TIAM2: variants seen among roughly 807,000 people sequenced by gnomAD.
TIAM2 encodes the protein rho guanine nucleotide exchange factor TIAM2.
Under a neutral mutation model 152.9 loss-of-function variants are expected in TIAM2, and 80 were observed. That is an observed-to-expected ratio of 0.52 (90% CI 0.44 to 0.63). The LOEUF (loss-of-function observed/expected upper bound fraction) is 0.63, where lower values mean the gene tolerates loss of function less well. TIAM2 is among the 30% of genes least tolerant of loss of function. The pLI is 0.00. For missense variants in TIAM2, 1,965 were observed against 2,120.1 expected, an observed-to-expected ratio of 0.93 and a Z score of 1.44; for synonymous variants, 804 against 838.0, an observed-to-expected ratio of 0.96 and a Z score of 0.70.
chr6:155,122,891 G>GT (rs1387529429), intron 2 of TIAM2, among the ~76,000 whole-genome samples: 3 of 148,654 alleles, frequency 2.0e-5, no homozygotes, highest in African/African-American at 7.4e-5. Flanking sequence ...GAAATCTGTT[G>GT]TTTTTTAAAT....
At chr6:155,098,574 G>A (rs1778471725) in intron 2 of TIAM2, among the ~76,000 whole-genome samples, 1 of 152,078 alleles carries the variant, frequency 6.6e-6, no homozygotes, top group African/African-American at 2.4e-5. Context: ...AACAGTTTTT[G>A]GTGGAGTCTA....
rs550174911 is a variant in TIAM2, at chr6:155,157,475, AT to A, written c.2029-6933del. On this transcript the variant is annotated intron_variant, in intron 7 of 26. Transcript: ENST00000682666. ...TTCTTTTTTTTTTTTAGAATTAAAA[AT>A]TTTTTTAAAAAATAGAGACGAGGTC... Among the ~76,000 whole-genome samples, 674 of 151,586 alleles carry A rather than the reference AT, an allele frequency of 4.4e-3. 2 individuals carry two copies. Among genetic ancestry groups the A allele is most frequent in the African/African-American group, 0.016 (651 of 41,334 alleles).
intron 1 of TIAM2, among the ~76,000 whole-genome samples, chr6:155,057,281 T>G (rs1015597271): frequency 6.6e-6 from 1 of 151,542 alleles, no homozygotes; most frequent in African/African-American, 2.4e-5. Flanking sequence ...TTAAGCGATT[T>G]GCCCGCCTCA....
intron 14 of TIAM2, among the ~76,000 whole-genome samples, chr6:155,202,619 T>G (rs1781500191): frequency 1.4e-5 from 2 of 145,278 alleles, no homozygotes; most frequent in South Asian, 2.2e-4. Context: ...AGAGATGGAG[T>G]CTTTCCATGT....
intron 1 of TIAM2, among the ~76,000 whole-genome samples, chr6:155,075,762 A>G (rs942482156): frequency 6.6e-6 from 1 of 152,214 alleles, no homozygotes; most frequent in African/African-American, 2.4e-5. Context: ...TGTGCATGAA[A>G]CAAAGTTAAG....
At chr6:155,217,224 A>G in intron 15 of TIAM2, 1 of 957,180 alleles carries the variant, frequency 1.0e-6, no homozygotes, top group Non-Finnish European at 1.4e-6. Flanking sequence ...TGCAGATGAG[A>G]AGAGATGCCT....
At chr6:155,065,144 G>A (rs1333452696) in intron 1 of TIAM2, among the ~76,000 whole-genome samples, 1 of 151,992 alleles carries the variant, frequency 6.6e-6, no homozygotes, top group Non-Finnish European at 1.5e-5. Flanking sequence ...AGTAGAGATG[G>A]GGTTTCACCG....
At chr6:155,130,693 A>G (rs1162765408) in intron 4 of TIAM2, among the ~76,000 whole-genome samples, 1 of 152,148 alleles carries the variant, frequency 6.6e-6, no homozygotes, top group African/African-American at 2.4e-5. Context: ...GGTTTAATCA[A>G]CAGACATCTA....
chr6:155,088,868 C>T (rs1224262571), intron 1 of TIAM2, among the ~76,000 whole-genome samples: 1 of 152,148 alleles, frequency 6.6e-6, no homozygotes, highest in Non-Finnish European at 1.5e-5. Context: ...GCACCCAGGA[C>T]AGTTTCTCTT....
In TIAM2 at chr6:155,251,834, T is replaced by C; in HGVS notation, c.4061-111T>C. ...CACTCATGTTGGCAGAGTGAGGTCT[T>C]AGAGACTCATACGTTTGGAGAGTGT... On this transcript the variant is annotated intron_variant, in intron 22 of 26. Coordinates refer to ENST00000682666, the MANE Select transcript of TIAM2 (RefSeq NM_012454.4). 6 of 820,318 alleles carry C rather than the reference T, an allele frequency of 7.3e-6. No homozygotes were observed. In the South Asian group the frequency reaches 9.6e-5, roughly 13 times the overall value. The allele number at this position is 820,318 out of a possible 1,614,324, so 50.8% of individuals were successfully genotyped here.
At chr6:155,198,150 G>T (rs1292046103) in intron 14 of TIAM2, among the ~76,000 whole-genome samples, 1 of 152,134 alleles carries the variant, frequency 6.6e-6, no homozygotes, top group Admixed American at 6.5e-5. Context: ...TTCCTCTTTT[G>T]AACTCTGAAG....
chr6:155,073,780 C>T (rs555391563), intron 1 of TIAM2, among the ~76,000 whole-genome samples: 120 of 152,328 alleles, frequency 7.9e-4, no homozygotes, highest in African/African-American at 2.7e-3. Flanking sequence ...CATTTTCCTA[C>T]CTGCAGTAGA....
At chr6:155,226,246 G>A (rs1286114573) in intron 15 of TIAM2, among the ~76,000 whole-genome samples, 1 of 152,234 alleles carries the variant, frequency 6.6e-6, no homozygotes, top group African/African-American at 2.4e-5. Flanking sequence ...AGAAGTAAGT[G>A]TGACGGCTGA....
chr6:155,101,090 G>A (rs548661878), intron 2 of TIAM2, among the ~76,000 whole-genome samples: 19 of 152,232 alleles, frequency 1.2e-4, no homozygotes, highest in Non-Finnish European at 2.5e-4. Context: ...AGTCCTACCC[G>A]CCCTCACTGT....
At chr6:154,999,549 A>G (rs909108638) in intron 1 of TIAM2, among the ~76,000 whole-genome samples, 1 of 152,168 alleles carries the variant, frequency 6.6e-6, no homozygotes, top group African/African-American at 2.4e-5. Flanking sequence ...CTATAGGAGA[A>G]GTTAGAACTC....
intron 7 of TIAM2, among the ~76,000 whole-genome samples, chr6:155,155,408 C>T (rs893704190): frequency 1.3e-5 from 2 of 152,102 alleles, no homozygotes; most frequent in South Asian, 2.1e-4. Context: ...TCAACTGATC[C>T]GCCTGCCTCA....
intron 9 of TIAM2, among the ~76,000 whole-genome samples, chr6:155,173,760 G>A (rs1453907002): frequency 6.6e-6 from 1 of 152,230 alleles, no homozygotes; most frequent in African/African-American, 2.4e-5. Flanking sequence ...ACTTAGAAGT[G>A]ACTCTCCTGT....
chr6:155,051,920 G>A (rs944075245), intron 1 of TIAM2, among the ~76,000 whole-genome samples: 1 of 152,138 alleles, frequency 6.6e-6, no homozygotes, highest in East Asian at 1.9e-4. Context: ...GATTACAGGC[G>A]TGAGCCACTG....
chr6:155,025,671 T>G (rs1263198355), intron 1 of TIAM2, among the ~76,000 whole-genome samples: 2 of 152,120 alleles, frequency 1.3e-5, no homozygotes, highest in African/African-American at 2.4e-5. Context: ...GTAACATTTT[T>G]TCATCAAAGT....
Sources: gnomAD v4.1 joint callset for allele counts (sites outside exome capture counted in the v4.1 genomes callset) on GRCh38, gnomAD v4.1.1 for gene constraint, MANE v1.5 for transcripts, NCBI Gene and HGNC (gene_info 2026-07-23, HGNC 2026-07-21) for gene names.